Variants in MMP7 observed in about 807,000 individuals in gnomAD.
MMP7 encodes the protein matrix metallopeptidase 7, also known as matrilysin.
In MMP7, 26 loss-of-function variants were observed where a neutral mutation model predicts 31.5. That is an observed-to-expected ratio of 0.83 (90% CI 0.61 to 1.15). MMP7 has a LOEUF of 1.15. MMP7 is among the 50% of genes most tolerant of loss of function. The pLI, the probability that MMP7 is intolerant of heterozygous loss-of-function variation, is 0.00. For synonymous variants in MMP7, 142 were observed against 124.2 expected, an observed-to-expected ratio of 1.14 and a Z score of -0.95; for missense variants, 367 against 326.5, an observed-to-expected ratio of 1.12 and a Z score of -0.96.
intron 4 of MMP7, chr11:102,524,334 GA>G (rs1343292277): frequency 6.6e-6 from 1 of 152,142 alleles, no homozygotes; most frequent in East Asian, 1.9e-4. Flanking sequence ...ATTTATGCCA[GA>G]GCTCTTCTCC....
At chr11:102,522,532 C>G (rs1462815258) in intron 5 of MMP7, among the ~76,000 whole-genome samples, 2 of 152,182 alleles carry the variant, frequency 1.3e-5, no homozygotes, top group Admixed American at 6.5e-5. Context: ...CTCAAGCACT[C>G]GACAGTCACA....
Position 102,527,827 on chromosome 11 carries a change from C to T in MMP7, c.265G>A (p.Val89Met), listed in dbSNP as rs1389253229. The T allele has an allele frequency of 1.2e-6, 2 of 1,614,176 alleles. No individual in the cohort carries two copies. Among genetic ancestry groups the T allele is most frequent in the South Asian group, 1.1e-5 (1 of 91,084 alleles). ...AGTGAGTATTCTGCAACATCTGGCA[C>T]TCCACATCTGGGCTTCTGCATTATT... Reference protein sequence around the residue: ...IEIMQKPRCGVPDVAEYSLFP... With the variant: ...IEIMQKPRCGMPDVAEYSLFP... The change falls in exon 2 of 6, where the codon GTG (valine) becomes ATG (methionine). Residue 89 changes from valine (V) to methionine (M), a missense_variant. Coordinates refer to ENST00000260227, the MANE Select transcript of MMP7 (RefSeq NM_002423.5).
Position 102,520,734 on chromosome 11 carries a change from A to C in MMP7, c.*42T>G. The C allele has an allele frequency of 6.7e-7, 1 of 1,488,560 alleles. No individual in the cohort carries two copies. The highest frequency in any genetic ancestry group is 9.2e-7 in the Non-Finnish European group (1 of 1,082,098). The allele number at this position is 1,488,560 out of a possible 1,614,324, so 92.2% of individuals were successfully genotyped here. ...AATTCTGATTGTGCAACAATGATAT[A>C]CAATCCAATGAATGAATGAATGGAT... On this transcript the variant is annotated 3_prime_UTR_variant, in exon 6 of 6. Coordinates refer to ENST00000260227, the MANE Select transcript of MMP7 (RefSeq NM_002423.5).
chr11:102,529,824 A>G (rs1858712068), intron 1 of MMP7, among the ~76,000 whole-genome samples: 1 of 152,186 alleles, frequency 6.6e-6, no homozygotes, highest in African/African-American at 2.4e-5. Context: ...TCTACCACTA[A>G]TAAGTACACT....
At chr11:102,527,732 C>T (rs778721826) in intron 2 of MMP7, 25 bp downstream of exon 2, 4 of 1,613,476 alleles carry the variant, frequency 2.5e-6, no homozygotes, top group Middle Eastern at 3.3e-4. Flanking sequence ...TTGTTTTTGC[C>T]AAAATGAGCC....
At chr11:102,520,997 C>T (rs950397352) in intron 5 of MMP7, among the ~76,000 whole-genome samples, 193 bp from the exon 6 acceptor site, 2 of 152,114 alleles carry the variant, frequency 1.3e-5, no homozygotes, top group African/African-American at 4.8e-5. Flanking sequence ...GGAGTGTGGG[C>T]CCAGGGCTCA....
chr11:102,524,734 T>G, intron 4 of MMP7: 3 of 405,418 alleles, frequency 7.4e-6, no homozygotes, highest in Non-Finnish European at 7.9e-6. Context: ...CAGTGGTGCT[T>G]GACTCCATAG....
At position 102,530,540 on chromosome 11, in the gene MMP7, C is replaced by A. The variant is rs1400394156; in HGVS notation, c.108+53G>T. The A allele has an allele frequency of 9.2e-6, 13 of 1,406,786 alleles. No individual in the cohort carries two copies. In the East Asian group the frequency reaches 2.5e-4, roughly 27 times the overall value. The allele number at this position is 1,406,786 out of a possible 1,614,324, so 87.1% of individuals were successfully genotyped here. Reference sequence around the variant, plus strand: ...AGGGAAATAATTGAAAAACACATTTCTTAATGCAGATGGCAAAAGAATGGA... The same window carrying A: ...AGGGAAATAATTGAAAAACACATTTATTAATGCAGATGGCAAAAGAATGGA... On this transcript the variant is annotated intron_variant, in intron 1 of 5. Transcript: ENST00000260227.
chr11:102,522,638 C>G (rs774252264), intron 5 of MMP7, among the ~76,000 whole-genome samples: 11 of 152,168 alleles, frequency 7.2e-5, no homozygotes, highest in Non-Finnish European at 1.3e-4. Flanking sequence ...ATTTCTTTCT[C>G]AAATACTACT....
Position 102,522,002 on chromosome 11 carries a change from A to G in MMP7, c.776-1198T>C, listed in dbSNP as rs377052978. Among the ~76,000 whole-genome samples the G allele has an allele frequency of 5.9e-5, 9 of 152,232 alleles. No homozygotes were observed. In the South Asian group the frequency reaches 1.5e-3, roughly 25 times the overall value. On this transcript the variant is annotated intron_variant, in intron 5 of 5. Coordinates refer to ENST00000260227, the MANE Select transcript of MMP7 (RefSeq NM_002423.5). ...GTTCTCTGAAGTGCTAGTTTATGGG[A>G]CTCATTGAGACCCATAAAAAGGATT...
chr11:102,527,667 A>G lies in MMP7; in HGVS notation c.341T>C (p.Val114Ala). 1 of 1,614,120 alleles carries G rather than the reference A, an allele frequency of 6.2e-7. No homozygotes were observed. Among genetic ancestry groups the G allele is most frequent in the Non-Finnish European group, 8.5e-7 (1 of 1,179,972 alleles). ...WTSKVVTYRI[V>A]SYTRDLPHIT... ...ATGCGGTAAGTCTCGAGTATATGAT[A>G]CGATCCTAGTAGCAAACAAGAAAAC... The change falls in exon 3 of 6, where the codon GTA becomes GCA. Residue 114 changes from valine to alanine, a missense_variant. Transcript: ENST00000260227.
rs558199029 is a variant in MMP7 at position 102,530,606 on chromosome 11, C to T, written c.95G>A (p.Trp32Ter). ...GCTGTGACATACCTGAGCCTGTTCC[C>T]ACTGTAGCTCACTCATGCCTCCCGC... ...QEAGGMSELQ[W>*]EQAQDYLKRF... is the part of the protein sequence containing the mutation. The change falls in exon 1 of 6, where the codon TGG becomes TAG. Residue 32 changes from tryptophan (W) to a stop codon, truncating the protein, a stop_gained. Transcript: ENST00000260227. LOFTEE classifies it high-confidence loss of function. The T allele has an allele frequency of 3.1e-6, 5 of 1,613,666 alleles. No individual in the cohort carries two copies. In the East Asian group the frequency reaches 8.9e-5, roughly 29 times the overall value.
rs767915675 is a variant in MMP7, at chr11:102,527,793, T to C, written c.299A>G (p.Asn100Ser). The C allele has an allele frequency of 1.9e-6, 3 of 1,614,188 alleles. No homozygotes were observed. Among genetic ancestry groups the C allele is most frequent in the South Asian group, 2.2e-5 (2 of 91,082 alleles). Reference sequence around the variant, plus strand: ...CACTTTGGAAGTCCATTTTGGGCTATTTGGAAATAGTGAGTATTCTGCAAC... The same window carrying C: ...CACTTTGGAAGTCCATTTTGGGCTACTTGGAAATAGTGAGTATTCTGCAAC... The part of the protein sequence containing the change: ...PDVAEYSLFP[N>S]SPKWTSKVVT... The change falls in exon 2 of 6, where the codon AAT (asparagine) becomes AGT (serine). Residue 100 changes from asparagine to serine, a missense_variant. Physicochemically the swap from Asn to Ser is conservative, Grantham distance 46. Coordinates refer to ENST00000260227, the MANE Select transcript of MMP7 (RefSeq NM_002423.5).
intron 5 of MMP7, 44 bp from the exon 6 acceptor site, chr11:102,520,848 C>A: frequency 7.8e-7 from 1 of 1,279,918 alleles, no homozygotes; most frequent in Non-Finnish European, 1.1e-6. Context: ...GTAGAAAATG[C>A]ATAAAAACCA....
chr11:102,529,986 A>G (rs1858717882), intron 1 of MMP7, among the ~76,000 whole-genome samples: 1 of 152,224 alleles, frequency 6.6e-6, no homozygotes, highest in Non-Finnish European at 1.5e-5. Context: ...CATGAGGTAT[A>G]AAACACATAA....
At chr11:102,527,150 T>A (rs1858680984) in intron 3 of MMP7, 4 of 246,540 alleles carry the variant, frequency 1.6e-5, no homozygotes, top group Non-Finnish European at 3.2e-5. Context: ...TTGGCAAACT[T>A]TTTCTGTAAA....
intron 1 of MMP7, among the ~76,000 whole-genome samples, chr11:102,530,023 G>T (rs1179919986): frequency 6.6e-6 from 1 of 152,146 alleles, no homozygotes; most frequent in Non-Finnish European, 1.5e-5. Flanking sequence ...GGACACATGA[G>T]AAAACAAAGT....
chr11:102,529,945 G>A (rs1264230289), intron 1 of MMP7, among the ~76,000 whole-genome samples: 1 of 152,064 alleles, frequency 6.6e-6, no homozygotes, highest in Non-Finnish European at 1.5e-5. Context: ...AGTTGGTTTT[G>A]TTATCACCTC....
chr11:102,527,270 A>G, intron 3 of MMP7: 1 of 475,082 alleles, frequency 2.1e-6, no homozygotes, highest in Non-Finnish European at 3.8e-6. Context: ...GTTCCAGTAA[A>G]ACTTTATTTA....
Sources: gnomAD v4.1 joint callset for allele counts (sites outside exome capture counted in the v4.1 genomes callset) on GRCh38, gnomAD v4.1.1 for gene constraint, MANE v1.5 for transcripts, NCBI Gene and HGNC (gene_info 2026-07-23, HGNC 2026-07-21) for gene names.